Variants in SORCS2 observed in about 807,000 individuals in gnomAD.
The protein encoded by SORCS2 is VPS10 domain-containing receptor SorCS2.
SORCS2 carries 100 observed loss-of-function variants against 141.6 expected under a neutral mutation model. The ratio of observed to expected loss-of-function variants is 0.71; its 90% CI spans 0.60 to 0.83. The LOEUF is 0.83. SORCS2 is among the 40% of genes least tolerant of loss of function. SORCS2 has a pLI of 0.00. For missense variants in SORCS2, 1,646 were observed against 1,560.2 expected, an observed-to-expected ratio of 1.05 and a Z score of -0.93; for synonymous variants, 789 against 676.9, an observed-to-expected ratio of 1.17 and a Z score of -2.57.
chr4:7,409,619 C>T (rs560202445), intron 2 of SORCS2, among the ~76,000 whole-genome samples: 1 of 152,288 alleles, frequency 6.6e-6, no homozygotes, highest in African/African-American at 2.4e-5. Flanking sequence ...TGGTTGTCCA[C>T]CTCAATCCCA....
intron 2 of SORCS2, among the ~76,000 whole-genome samples, chr4:7,403,750 A>G (rs2109132892): frequency 6.6e-6 from 1 of 150,908 alleles, no homozygotes; most frequent in African/African-American, 2.4e-5. Context: ...TTTAAATTTT[A>G]TTATGATTTA....
At chr4:7,380,033 G>A (rs1388165176) in intron 1 of SORCS2, among the ~76,000 whole-genome samples, 1 of 152,200 alleles carries the variant, frequency 6.6e-6, no homozygotes. Flanking sequence ...GCTTGGAAGA[G>A]CCACGGGTCA....
At chr4:7,641,896 G>GGGGATGGATGGATA (rs1720771057) in intron 4 of SORCS2, among the ~76,000 whole-genome samples, 1 of 77,634 alleles carries the variant, frequency 1.3e-5, no homozygotes, top group Non-Finnish European at 3.4e-5. Flanking sequence ...ATGGATGGAT[G>GGGGATGGATGGATA]GGTGGTTGGA....
intron 1 of SORCS2, among the ~76,000 whole-genome samples, chr4:7,228,904 G>A (rs1031699306): frequency 1.3e-5 from 2 of 152,226 alleles, no homozygotes; most frequent in African/African-American, 4.8e-5. Flanking sequence ...TGGATGGACT[G>A]CATGGGATCC....
At chr4:7,710,212 C>T (rs1467746027) in intron 14 of SORCS2, among the ~76,000 whole-genome samples, 2 of 152,182 alleles carry the variant, frequency 1.3e-5, no homozygotes, top group Admixed American at 6.5e-5. Context: ...CATGTTTCTG[C>T]GCAAAGCCTC....
intron 10 of SORCS2, among the ~76,000 whole-genome samples, chr4:7,684,754 T>G (rs888613858): frequency 6.6e-6 from 1 of 152,112 alleles, no homozygotes; most frequent in Non-Finnish European, 1.5e-5. Context: ...CAGAAGACAA[T>G]TCCCTGTCTT....
intron 2 of SORCS2, among the ~76,000 whole-genome samples, chr4:7,435,951 G>A (rs529530350): frequency 6.6e-6 from 1 of 152,354 alleles, no homozygotes; most frequent in South Asian, 2.1e-4. Flanking sequence ...TGGGTGCTCT[G>A]TAGGAACACA....
At chr4:7,559,750 A>G (rs146111698) in intron 3 of SORCS2, among the ~76,000 whole-genome samples, 1 of 152,308 alleles carries the variant, frequency 6.6e-6, no homozygotes, top group East Asian at 1.9e-4. Flanking sequence ...TGGGATGACA[A>G]TAGTTTCCCC....
chr4:7,404,170 T>C (rs893021579), intron 2 of SORCS2, among the ~76,000 whole-genome samples: 1 of 151,892 alleles, frequency 6.6e-6, no homozygotes, highest in African/African-American at 2.4e-5. Context: ...GCAGAAGACA[T>C]GATCTCATTC....
intron 1 of SORCS2, among the ~76,000 whole-genome samples, chr4:7,360,309 C>T (rs545098177): frequency 1.3e-5 from 2 of 152,222 alleles, no homozygotes; most frequent in South Asian, 2.1e-4. Flanking sequence ...GTGACATGCC[C>T]CAAATTTCAC....
intron 4 of SORCS2, among the ~76,000 whole-genome samples, chr4:7,653,563 A>T (rs1449131512): frequency 2.0e-5 from 3 of 152,154 alleles, no homozygotes; most frequent in Non-Finnish European, 2.9e-5. Context: ...AATTATTAAG[A>T]AGTTCAAGTT....
chr4:7,385,125 G>A (rs1032042691), intron 1 of SORCS2, among the ~76,000 whole-genome samples: 3 of 152,148 alleles, frequency 2.0e-5, no homozygotes, highest in African/African-American at 7.2e-5. Context: ...CTGAGCCAAA[G>A]CCCTAGGGTC....
At chr4:7,510,031 C>T (rs1560343055) in intron 2 of SORCS2, among the ~76,000 whole-genome samples, 1 of 152,258 alleles carries the variant, frequency 6.6e-6, no homozygotes, top group Non-Finnish European at 1.5e-5. Flanking sequence ...ATTTAATAGA[C>T]TGTAACTGTG....
At chr4:7,590,832 G>A (rs1261195560) in intron 3 of SORCS2, among the ~76,000 whole-genome samples, 1 of 152,216 alleles carries the variant, frequency 6.6e-6, no homozygotes, top group Non-Finnish European at 1.5e-5. Context: ...AATTGTAAGA[G>A]GACAAATGTG....
In SORCS2 at chr4:7,737,172, G is replaced by A; in HGVS notation, c.3415G>A (p.Gly1139Ser). ...HSEDVQGAVQ[G>S]NHSGVVLSIN... ...TGAGGACGTCCAGGGCGCTGTCCAG[G>A]GTGAGGAGTTTATAGATGATGATCT... Residue 1139 changes from glycine (G) to serine (S), a missense_variant and splice_region_variant, in exon 26 of 27, where the codon GGC (glycine) becomes AGC (serine). By Grantham distance (56) the Gly-to-Ser change is moderately conservative. Transcript: ENST00000507866. 1.3e-6 allele frequency: 2 copies of A among 1,551,146 alleles called. No homozygotes were observed. Among genetic ancestry groups the A allele is most frequent in the African/African-American group, 1.4e-5 (1 of 73,158 alleles).
intron 1 of SORCS2, among the ~76,000 whole-genome samples, chr4:7,334,435 T>C (rs1488721741): frequency 6.6e-6 from 1 of 151,610 alleles, no homozygotes; most frequent in Non-Finnish European, 1.5e-5. Context: ...CCCCTCCCAT[T>C]CCTCCCGTTC....
intron 14 of SORCS2, among the ~76,000 whole-genome samples, chr4:7,712,212 C>T (rs1477001148): frequency 3.9e-5 from 6 of 152,190 alleles, no homozygotes; most frequent in Non-Finnish European, 7.3e-5. Flanking sequence ...CTCTTTGAAT[C>T]GCCACCTCTA....
chr4:7,315,965 C>T (rs1054032957), intron 1 of SORCS2, among the ~76,000 whole-genome samples: 1 of 152,042 alleles, frequency 6.6e-6, no homozygotes, highest in Non-Finnish European at 1.5e-5. Context: ...TTCCATCTAC[C>T]CATCTATTTA....
At chr4:7,267,486 C>G (rs775700628) in intron 1 of SORCS2, among the ~76,000 whole-genome samples, 6 of 152,104 alleles carry the variant, frequency 3.9e-5, no homozygotes, top group Non-Finnish European at 8.8e-5. Context: ...AGCCCTGGCC[C>G]GTAAGCAGAA....
Sources: gnomAD v4.1 joint callset for allele counts (sites outside exome capture counted in the v4.1 genomes callset) on GRCh38, gnomAD v4.1.1 for gene constraint, MANE v1.5 for transcripts, NCBI Gene and HGNC (gene_info 2026-07-23, HGNC 2026-07-21) for gene names.